TMC4: variants seen among roughly 807,000 people sequenced by gnomAD.
TMC4 encodes voltage-gated chloride channel TMC4.
Under a neutral mutation model 82.0 loss-of-function variants are expected in TMC4, and 70 were observed. The ratio of observed to expected loss-of-function variants is 0.85; its 90% CI spans 0.70 to 1.04. The LOEUF (loss-of-function observed/expected upper bound fraction) is 1.04. Ranked by LOEUF, TMC4 falls within the 50% of genes least tolerant of loss-of-function variation. The pLI is 0.00. For synonymous variants in TMC4, 446 were observed against 406.0 expected, an observed-to-expected ratio of 1.10 and a Z score of -1.18; for missense variants, 879 against 899.0, an observed-to-expected ratio of 0.98 and a Z score of 0.28.
intron 5 of TMC4, 149 bp downstream of exon 5, chr19:54,168,022 C>G (rs1234288927): frequency 1.0e-6 from 1 of 976,298 alleles, no homozygotes; most frequent in Non-Finnish European, 1.5e-6. Context: ...GAGATTGCGC[C>G]ACTACACTCT....
At chr19:54,171,098 C>CTTT (rs2075874781) in intron 2 of TMC4, among the ~76,000 whole-genome samples, 2 of 27,732 alleles carry the variant, frequency 7.2e-5, no homozygotes, top group African/African-American at 3.4e-4. Context: ...TATATACACA[C>CTTT]ATATGCATAT....
Position 54,160,133 on chromosome 19 carries a change from A to AT in TMC4, c.*172dup, listed in dbSNP as rs2075499502. ...TCAGCAACCTCGGCTGTATTTATTG[A>AT]TACAAGGAAGATCACCCGAGAGTCA... On this transcript the variant is annotated 3_prime_UTR_variant, in exon 15 of 15. Coordinates refer to ENST00000619895, the MANE Select transcript of TMC4 (RefSeq NM_144686.4). The AT allele has an allele frequency of 1.4e-6, 1 of 712,890 alleles. No homozygotes were observed. Among genetic ancestry groups the AT allele is most frequent in the African/African-American group, 1.8e-5 (1 of 56,112 alleles). 44.2% of individuals were successfully genotyped at this position (712,890 alleles called of 1,614,324 possible).
Position 54,162,094 on chromosome 19 carries a change from C to T in TMC4, c.1686+8G>A, listed in dbSNP as rs1181938493. On this transcript the variant is annotated splice_region_variant and intron_variant, in intron 11 of 14. Transcript: ENST00000619895. ...GCCTCAGACCCAAGGGTCCCCCCTA[C>T]CCCTTACCTTCTTCAGGTAGAAAAG... 1 of 1,607,460 alleles carries T rather than the reference C, an allele frequency of 6.2e-7. No individual in the cohort carries two copies. The highest frequency in any genetic ancestry group is 8.5e-7 in the Non-Finnish European group (1 of 1,176,684).
chr19:54,168,140 G>T, intron 5 of TMC4, 31 bp downstream of exon 5: 1 of 1,586,556 alleles, frequency 6.3e-7, no homozygotes, highest in Non-Finnish European at 8.6e-7. Context: ...AACCCGTCCC[G>T]TCAGGGGTCA....
chr19:54,160,747 G>A, intron 13 of TMC4, 131 bp downstream of exon 13: 2 of 1,410,022 alleles, frequency 1.4e-6, no homozygotes, highest in Non-Finnish European at 9.5e-7. Flanking sequence ...CAGTCCAGGA[G>A]CCTAGGCCTC....
At position 54,165,333 on chromosome 19, in the gene TMC4, C is replaced by T. The variant is rs2075674928; in HGVS notation, c.945+86G>A. On this transcript the variant is annotated intron_variant, in intron 6 of 14. Transcript: ENST00000619895. ...GCTGCTTAGCATCTCTCCGGAGGCC[C>T]CATCACCGAGTTAGGCCCTGTGCGT... The T allele has an allele frequency of 5.0e-6, 7 of 1,390,396 alleles. No homozygotes were observed. The African/African-American group carries it at 7.1e-5, about 14-fold the overall frequency. 86.1% of individuals were successfully genotyped at this position (1,390,396 alleles called of 1,614,324 possible).
chr19:54,171,786 G>T, intron 2 of TMC4, 84 bp downstream of exon 2: 1 of 1,301,370 alleles, frequency 7.7e-7, no homozygotes, highest in Non-Finnish European at 1.0e-6. Context: ...AGCGGCAGAG[G>T]ACAGAGGGAG....
intron 6 of TMC4, 149 bp downstream of exon 6, chr19:54,165,270 C>G (rs981423832): frequency 1.0e-6 from 1 of 961,856 alleles, no homozygotes; most frequent in African/African-American, 1.6e-5. Context: ...TCCTCTCAAC[C>G]TTCTCATTCC....
Position 54,161,260 on chromosome 19 carries a change from G to A in TMC4, c.1687C>T (p.Leu563Phe), listed in dbSNP as rs1223743938. ...KFLLLFYLKK[L>F]TLFSTCSPAA... The stretch of plus-strand genomic sequence containing the variant: ...GGGGAGCAGGTGGAGAAGAGGGTAA[G>A]CTGGTGGGGGAAGGCACGGAGAAAA... Residue 563 changes from leucine to phenylalanine, a missense_variant and splice_region_variant, in exon 12 of 15, where the codon CTT (leucine) becomes TTT (phenylalanine). Transcript: ENST00000619895. The A allele has an allele frequency of 6.5e-6, 10 of 1,526,800 alleles. No homozygotes were observed. The highest frequency in any genetic ancestry group is 7.0e-6 in the Non-Finnish European group (8 of 1,138,668). The allele number at this position is 1,526,800 out of a possible 1,614,324, so 94.6% of individuals were successfully genotyped here. A position where few individuals can be genotyped will look rare whatever the true frequency, so the allele number is the denominator to read the frequency against.
At chr19:54,169,944 A>G (rs2075843974) in intron 2 of TMC4, among the ~76,000 whole-genome samples, 1 of 151,458 alleles carries the variant, frequency 6.6e-6, no homozygotes, top group Non-Finnish European at 1.5e-5. Flanking sequence ...ACCAAAAAAA[A>G]AAAAAAATTA....
In TMC4 at chr19:54,168,585, G is replaced by T; in HGVS notation, c.538C>A (p.Leu180Met). The change falls in exon 4 of 15, where the codon CTG becomes ATG. Residue 180 changes from leucine to methionine, a missense_variant. Physicochemically the swap from Leu to Met is conservative, Grantham distance 15. Coordinates refer to ENST00000619895, the MANE Select transcript of TMC4 (RefSeq NM_144686.4). ...GCGCCTCCCAACCAGGTGGGCAGCA[G>T]CGTCATGCAGGCCATGAGCACAGAG... ...LASVLMACMTLLPTWLGGAPP... is the reference protein window; with the variant it reads ...LASVLMACMTMLPTWLGGAPP... The T allele has an allele frequency of 6.3e-7, 1 of 1,591,056 alleles. No individual in the cohort carries two copies. Among genetic ancestry groups the T allele is most frequent in the South Asian group, 1.1e-5 (1 of 87,420 alleles).
At chr19:54,161,381 C>CA in intron 11 of TMC4, 121 bp from the exon 12 acceptor site, 1 of 1,163,910 alleles carries the variant, frequency 8.6e-7, no homozygotes, top group East Asian at 2.9e-5. Context: ...TTTTTTGAGA[C>CA]AGAGTCTCGC....
At chr19:54,163,980 T>C (rs1049739606) in intron 7 of TMC4, 93 bp from the exon 8 acceptor site, 228 of 1,135,106 alleles carry the variant, frequency 2.0e-4, no homozygotes, top group South Asian at 2.3e-4. Flanking sequence ...TCTTCTTCTT[T>C]TTTTTTTTTT....
chr19:54,171,567 A>G (rs181511631), intron 2 of TMC4, among the ~76,000 whole-genome samples: 1 of 152,336 alleles, frequency 6.6e-6, no homozygotes, highest in East Asian at 1.9e-4. Context: ...ATAAATATTA[A>G]CAGATTTTGG....
intron 11 of TMC4, among the ~76,000 whole-genome samples, chr19:54,161,780 G>C (rs1474051049): frequency 6.6e-6 from 1 of 152,100 alleles, no homozygotes; most frequent in East Asian, 1.9e-4. Flanking sequence ...GACCTCAGGT[G>C]ATCCACCCGC....
chr19:54,165,453 C>T lies in TMC4; in HGVS notation c.911G>A (p.Arg304Gln), dbSNP rs761508623. The change falls in exon 6 of 15, where the codon CGG becomes CAG. Residue 304 changes from arginine to glutamine, a missense_variant. Arg to Gln is a conservative substitution (Grantham distance 43). Transcript: ENST00000619895. Reference protein sequence around the residue: ...DFGLCGDVHVRLRQRIILYEL... With the variant: ...DFGLCGDVHVQLRQRIILYEL... ...GTACAAGATGATGCGCTGGCGCAGC[C>T]GCACGTGGACGTCCCCGCAGAGACC... 52 of 1,610,186 alleles carry T rather than the reference C, an allele frequency of 3.2e-5. 1 individual carries two copies. In the East Asian group the frequency reaches 4.9e-4, roughly 15 times the overall value.
chr19:54,162,350 A>G, intron 10 of TMC4, 65 bp from the exon 11 acceptor site: 1 of 790,176 alleles, frequency 1.3e-6, no homozygotes. Context: ...CCACGCCTCC[A>G]CCGCCCCGCC....
chr19:54,168,708 G>T, intron 3 of TMC4, 28 bp from the exon 4 acceptor site: 1 of 1,429,856 alleles, frequency 7.0e-7, no homozygotes, highest in Non-Finnish European at 9.2e-7. Flanking sequence ...GAGAGGCTCA[G>T]GTTCCTTCCC....
At chr19:54,164,345 C>T in intron 7 of TMC4, 89 bp downstream of exon 7, 1 of 1,466,508 alleles carries the variant, frequency 6.8e-7, no homozygotes, top group Non-Finnish European at 9.3e-7. Flanking sequence ...TCTAAGATCT[C>T]TGGCATCCCA....
Sources: gnomAD v4.1 joint callset for allele counts (sites outside exome capture counted in the v4.1 genomes callset) on GRCh38, gnomAD v4.1.1 for gene constraint, MANE v1.5 for transcripts, NCBI Gene and HGNC (gene_info 2026-07-23, HGNC 2026-07-21) for gene names.